The following SNX24 variants were observed in gnomAD, a reference collection of about 807,000 sequenced individuals.
SNX24 encodes the protein sorting nexin-24.
A neutral mutation model predicts 28.7 loss-of-function variants in SNX24; 22 were observed. The ratio of observed to expected loss-of-function variants is 0.77; its 90% CI spans 0.55 to 1.10. SNX24 has a LOEUF of 1.10. Ranked by LOEUF, SNX24 falls within the 50% of genes least tolerant of loss-of-function variation. The pLI, the probability that SNX24 is intolerant of heterozygous loss-of-function variation, is 0.00. For synonymous variants in SNX24, 69 were observed against 71.5 expected (o/e 0.96, Z 0.18); for missense variants, 221 against 201.1 (o/e 1.10, Z -0.60).
chr5:122,947,858 C>A (rs1759758983), intron 3 of SNX24, among the ~76,000 whole-genome samples: 1 of 152,186 alleles, frequency 6.6e-6, no homozygotes, highest in African/African-American at 2.4e-5. Flanking sequence ...CTCTGTTCCC[C>A]TCATTGTATT....
chr5:122,862,312 G>A (rs908965487), intron 1 of SNX24, among the ~76,000 whole-genome samples: 1 of 151,792 alleles, frequency 6.6e-6, no homozygotes, highest in African/African-American at 2.4e-5. Context: ...GGGTACAAGT[G>A]ACAAAAGAAA....
At chr5:122,891,857 CAT>C (rs890083055) in intron 1 of SNX24, among the ~76,000 whole-genome samples, 28 of 152,258 alleles carry the variant, frequency 1.8e-4, no homozygotes, top group African/African-American at 4.1e-4. Flanking sequence ...TGTGAGCAAA[CAT>C]GTGAGAATAA....
chr5:122,972,332 C>T (rs1760991664), intron 3 of SNX24, among the ~76,000 whole-genome samples: 1 of 152,142 alleles, frequency 6.6e-6, no homozygotes, highest in South Asian at 2.1e-4. Context: ...GTAAATGATG[C>T]CACTTCCACT....
intron 5 of SNX24, among the ~76,000 whole-genome samples, chr5:123,018,709 CAG>C (rs1421495671): frequency 2.0e-5 from 3 of 151,670 alleles, no homozygotes; most frequent in Non-Finnish European, 4.4e-5. Flanking sequence ...TCCTTTGACA[CAG>C]AGTCTCGCTC....
At chr5:122,960,119 G>T (rs1037248864) in intron 3 of SNX24, among the ~76,000 whole-genome samples, 3 of 152,172 alleles carry the variant, frequency 2.0e-5, no homozygotes, top group South Asian at 4.1e-4. Flanking sequence ...CCTTCCCCAT[G>T]ATGCAGTAAA....
chr5:123,028,488 T>A (rs1350742638), intron 5 of SNX24: 3 of 299,890 alleles, frequency 1.0e-5, no homozygotes, highest in African/African-American at 2.2e-5. Context: ...TTTTTCTGTA[T>A]GGCTACTGAC....
chr5:122,977,837 TATG>T (rs2150153718), intron 3 of SNX24, among the ~76,000 whole-genome samples: 1 of 152,350 alleles, frequency 6.6e-6, no homozygotes, highest in African/African-American at 2.4e-5. Flanking sequence ...TTTGAGTTCT[TATG>T]ATGATAGGAA....
In SNX24 at chr5:122,890,432, A is replaced by G. The variant is rs140063365; in HGVS notation, c.60+44739A>G. On this transcript the variant is annotated intron_variant, in intron 1 of 6. Transcript: ENST00000261369. ...AAAATGATGATTATCTACCTCCATC[A>G]TTCCTTCTCTGTAAGGAAAAGATTT... is the stretch of plus-strand genomic sequence containing the variant. Among the ~76,000 whole-genome samples the G allele has an allele frequency of 3.0e-3, 444 of 148,880 alleles. 5 individuals carry two copies. The highest frequency in any genetic ancestry group is 0.01 in the African/African-American group (423 of 40,542).
intron 1 of SNX24, among the ~76,000 whole-genome samples, chr5:122,880,620 T>C (rs1756437785): frequency 1.3e-5 from 2 of 152,244 alleles, no homozygotes; most frequent in Non-Finnish European, 2.9e-5. Context: ...TCTGCAAGGC[T>C]TCATTTTATT....
chr5:122,973,210 A>G lies in SNX24; in HGVS notation c.250-26702A>G, dbSNP rs1325284855. ...TTTCTTTGTCACCAATTTTCCAATC[A>G]TGCTTCTTCCAAGTCCCTGACCATC... On this transcript the variant is annotated intron_variant, in intron 3 of 6. Coordinates refer to ENST00000261369, the MANE Select transcript of SNX24 (RefSeq NM_014035.4). 2.0e-5 allele frequency among the ~76,000 whole-genome samples: 3 copies of G among 152,184 alleles called. No homozygotes were observed. The East Asian group carries it at 5.8e-4, about 29-fold the overall frequency.
chr5:122,960,194 T>C (rs759872732), intron 3 of SNX24, among the ~76,000 whole-genome samples: 11 of 152,334 alleles, frequency 7.2e-5, no homozygotes, highest in Admixed American at 2.0e-4. Flanking sequence ...TCACTATTGC[T>C]TCATGAAAAT....
chr5:123,020,300 GA>G lies in SNX24; in HGVS notation n.384-8932del, dbSNP rs569194352. ...GTACCCTAGAGAAAAATTAAAAACTGAAAAAAGTAAAACTATAGTTAAAAAA... is the reference window on the plus strand; with the variant it reads ...GTACCCTAGAGAAAAATTAAAAACTGAAAAAGTAAAACTATAGTTAAAAAA... On this transcript the variant is annotated intron_variant and non_coding_transcript_variant, in intron 5 of 5. Coordinates refer to the SNX24 transcript ENST00000502387. Among the ~76,000 whole-genome samples, 4 of 152,130 alleles carry G rather than the reference GA, an allele frequency of 2.6e-5. No individual in the cohort carries two copies. The South Asian group carries it at 6.2e-4, about 24-fold the overall frequency.
chr5:122,990,299 T>G (rs1233802625), intron 3 of SNX24, among the ~76,000 whole-genome samples: 1 of 152,224 alleles, frequency 6.6e-6, no homozygotes, highest in Non-Finnish European at 1.5e-5. Flanking sequence ...TTTAAACAGG[T>G]GACTAAATAT....
At chr5:122,982,074 T>C (rs948890181) in intron 3 of SNX24, among the ~76,000 whole-genome samples, 6 of 152,244 alleles carry the variant, frequency 3.9e-5, no homozygotes, top group African/African-American at 1.4e-4. Flanking sequence ...ACATTTGTTT[T>C]CCAGGGAAGA....
chr5:123,029,229 T>C (rs1396532494), intron 5 of SNX24: 4 of 1,610,544 alleles, frequency 2.5e-6, no homozygotes, highest in East Asian at 2.2e-5. Flanking sequence ...TTAATACTTA[T>C]TTTCTCAGAT....
intron 1 of SNX24, among the ~76,000 whole-genome samples, chr5:122,896,682 G>T (rs954607280): frequency 2.0e-5 from 3 of 151,966 alleles, no homozygotes; most frequent in Admixed American, 2.0e-4. Context: ...ATGTACTGTC[G>T]GGAAAAAAAG....
At chr5:122,908,706 C>T (rs1237968454) in intron 1 of SNX24, among the ~76,000 whole-genome samples, 2 of 152,062 alleles carry the variant, frequency 1.3e-5, no homozygotes, top group Non-Finnish European at 2.9e-5. Flanking sequence ...AGAAATGTAG[C>T]CTTAAAGACA....
intron 1 of SNX24, among the ~76,000 whole-genome samples, chr5:122,932,564 A>G (rs1758998701): frequency 3.9e-5 from 6 of 152,228 alleles, no homozygotes; most frequent in Admixed American, 3.9e-4. Context: ...ACTTGTCAAA[A>G]TATACCCAAT....
At chr5:122,895,008 C>CTT (rs11292012) in intron 1 of SNX24, among the ~76,000 whole-genome samples, 2 of 144,446 alleles carry the variant, frequency 1.4e-5, no homozygotes, top group African/African-American at 5.1e-5. Context: ...TTTAACAGTA[C>CTT]TTTTTTTTTT....
Sources: allele counts gnomAD v4.1 joint callset (sites outside exome capture counted in the v4.1 genomes callset), GRCh38; gene constraint gnomAD v4.1.1; transcripts MANE v1.5; gene names NCBI Gene and HGNC (gene_info 2026-07-23, HGNC 2026-07-21).